BMPER: variants seen among roughly 807,000 people sequenced by gnomAD.
BMPER encodes the protein BMP binding endothelial regulator, also known as BMP-binding endothelial regulator protein.
A neutral mutation model predicts 87.3 loss-of-function variants in BMPER; 45 were observed. The observed-to-expected ratio is 0.52, with a 90% CI of 0.41 to 0.66. The LOEUF (loss-of-function observed/expected upper bound fraction) is 0.66, where lower values mean the gene tolerates loss of function less well. Ranked by LOEUF, BMPER falls within the 30% of genes least tolerant of loss-of-function variation. The pLI, the probability that BMPER is intolerant of heterozygous loss-of-function variation, is 0.00. For missense variants in BMPER, 784 were observed against 867.5 expected (o/e 0.90, Z 1.21); for synonymous variants, 326 against 316.2 (o/e 1.03, Z -0.33).
chr7:34,139,632 G>C (rs541033308), intron 13 of BMPER, among the ~76,000 whole-genome samples: 11 of 152,314 alleles, frequency 7.2e-5, no homozygotes, highest in African/African-American at 2.4e-4. Flanking sequence ...CTTTCCGTTG[G>C]ATTTGGTCGT....
chr7:33,919,308 A>G (rs1784160982), intron 2 of BMPER, among the ~76,000 whole-genome samples: 1 of 152,088 alleles, frequency 6.6e-6, no homozygotes, highest in South Asian at 2.1e-4. Context: ...CAAGGGAGAT[A>G]TTTATCCTCC....
At chr7:33,957,079 G>A (rs1449268687) in intron 3 of BMPER, among the ~76,000 whole-genome samples, 1 of 152,090 alleles carries the variant, frequency 6.6e-6, no homozygotes, top group Admixed American at 6.5e-5. Flanking sequence ...CCCAGTAATT[G>A]CACTCTTGAG....
At chr7:34,131,516 G>A (rs893353790) in intron 13 of BMPER, among the ~76,000 whole-genome samples, 1 of 152,172 alleles carries the variant, frequency 6.6e-6, no homozygotes, top group African/African-American at 2.4e-5. Flanking sequence ...CCTGTTTGTG[G>A]GACTTGGCAG....
intron 3 of BMPER, 76 bp from the exon 4 acceptor site, chr7:33,966,403 T>C: frequency 1.5e-6 from 2 of 1,295,560 alleles, no homozygotes; most frequent in Non-Finnish European, 2.2e-6. Context: ...AGAACATAAC[T>C]TATTTTGCTC....
At chr7:34,110,645 G>C (rs948064210) in intron 13 of BMPER, among the ~76,000 whole-genome samples, 1 of 152,218 alleles carries the variant, frequency 6.6e-6, no homozygotes, top group African/African-American at 2.4e-5. Flanking sequence ...GAAAGGTTTA[G>C]TTGTGTCGTA....
chr7:34,109,414 T>C (rs921582190), intron 13 of BMPER, among the ~76,000 whole-genome samples: 1 of 152,130 alleles, frequency 6.6e-6, no homozygotes, highest in Non-Finnish European at 1.5e-5. Context: ...AAATACAACC[T>C]CAGATAAACA....
intron 3 of BMPER, among the ~76,000 whole-genome samples, chr7:33,942,736 G>C (rs1784798042): frequency 6.6e-6 from 1 of 152,212 alleles, no homozygotes; most frequent in Non-Finnish European, 1.5e-5. Context: ...GTAGGCGTGA[G>C]AAATCTCTTT....
intron 2 of BMPER, among the ~76,000 whole-genome samples, chr7:33,918,098 C>A (rs1165224556): frequency 6.6e-6 from 1 of 152,184 alleles, no homozygotes; most frequent in South Asian, 2.1e-4. Flanking sequence ...GCCTTGGCCT[C>A]CCAAAGTGCT....
chr7:33,994,221 C>G (rs532451732), intron 6 of BMPER, among the ~76,000 whole-genome samples: 1 of 151,922 alleles, frequency 6.6e-6, no homozygotes, highest in Admixed American at 6.6e-5. Context: ...CCCCCAGCCT[C>G]GCTGCCGCCT....
At chr7:33,964,521 G>T (rs560398837) in intron 3 of BMPER, among the ~76,000 whole-genome samples, 1 of 152,324 alleles carries the variant, frequency 6.6e-6, no homozygotes, top group Non-Finnish European at 1.5e-5. Context: ...GTAAATTATG[G>T]TGGAGGAACA....
chr7:33,955,850 G>T (rs982215949), intron 3 of BMPER, among the ~76,000 whole-genome samples: 1 of 152,140 alleles, frequency 6.6e-6, no homozygotes, highest in Non-Finnish European at 1.5e-5. Flanking sequence ...AGACAAAATG[G>T]CATAGACAGA....
intron 13 of BMPER, among the ~76,000 whole-genome samples, chr7:34,123,590 T>G (rs1790318378): frequency 6.6e-6 from 1 of 152,186 alleles, no homozygotes. Flanking sequence ...AGAGGCCTGG[T>G]CTTCTTTCAC....
rs558616226 is a variant in BMPER, at chr7:34,135,525, T to C, written c.1746-7705T>C. Among the ~76,000 whole-genome samples the C allele has an allele frequency of 3.9e-5, 6 of 152,270 alleles. No homozygotes were observed. In the South Asian group the frequency reaches 1.2e-3, roughly 32 times the overall value. On this transcript the variant is annotated intron_variant, in intron 13 of 14. Transcript: ENST00000649409. The stretch of plus-strand genomic sequence containing the variant: ...GCAGGAAAACCAGCCCCCTGTCCTG[T>C]GAGGTCTCAGGAAGAGGCTGCATGA...
chr7:34,123,426 A>T (rs1224582222), intron 13 of BMPER, among the ~76,000 whole-genome samples: 1 of 152,202 alleles, frequency 6.6e-6, no homozygotes, highest in Non-Finnish European at 1.5e-5. Context: ...TCTTGGGCAG[A>T]ACTGCACATT....
At chr7:33,941,493 C>T (rs1388337884) in intron 3 of BMPER, among the ~76,000 whole-genome samples, 1 of 151,946 alleles carries the variant, frequency 6.6e-6, no homozygotes, top group Non-Finnish European at 1.5e-5. Flanking sequence ...ATATAACTCA[C>T]CATAATGTAG....
intron 13 of BMPER, among the ~76,000 whole-genome samples, chr7:34,137,383 A>G (rs542432299): frequency 2.6e-5 from 4 of 152,352 alleles, no homozygotes; most frequent in East Asian, 1.9e-4. Context: ...TTCAGATATC[A>G]GTGTCCAGCT....
At chr7:33,912,245 G>A (rs1483568824) in intron 2 of BMPER, among the ~76,000 whole-genome samples, 2 of 152,184 alleles carry the variant, frequency 1.3e-5, no homozygotes, top group Non-Finnish European at 2.9e-5. Flanking sequence ...ATTGGCAGAG[G>A]GATTGGGTTG....
chr7:33,966,677 C>G (rs1433282955), intron 4 of BMPER, 116 bp downstream of exon 4: 1 of 992,782 alleles, frequency 1.0e-6, no homozygotes, highest in Admixed American at 2.1e-5. Flanking sequence ...ATGAAAAAAA[C>G]AATGAAAAAG....
At chr7:33,997,236 T>A (rs559686538) in intron 6 of BMPER, among the ~76,000 whole-genome samples, 1 of 152,312 alleles carries the variant, frequency 6.6e-6, no homozygotes, top group East Asian at 1.9e-4. Flanking sequence ...CATCTATTAT[T>A]TTTCCAAGTT....
Sources: gnomAD v4.1 joint callset for allele counts (sites outside exome capture counted in the v4.1 genomes callset) on GRCh38, gnomAD v4.1.1 for gene constraint, MANE v1.5 for transcripts, NCBI Gene and HGNC (gene_info 2026-07-23, HGNC 2026-07-21) for gene names.